The following STX8 variants were observed in gnomAD, a reference collection of about 807,000 sequenced individuals.
STX8 encodes the protein syntaxin 8, also known as syntaxin-8.
STX8 carries 23 observed loss-of-function variants against 37.5 expected under a neutral mutation model. That is an observed-to-expected ratio of 0.61 (90% CI 0.44 to 0.87). The LOEUF is 0.87. STX8 is among the 40% of genes least tolerant of loss of function. STX8 has a pLI of 0.00. For synonymous variants in STX8, 115 were observed against 99.1 expected (o/e 1.16, Z -0.95); for missense variants, 313 against 284.7 (o/e 1.10, Z -0.71).
intron 7 of STX8, among the ~76,000 whole-genome samples, chr17:9,329,056 A>AAAAC (rs1909876924): frequency 8.3e-6 from 1 of 120,762 alleles, no homozygotes; most frequent in Non-Finnish European, 1.5e-5. Flanking sequence ...ATCTCAAAAA[A>AAAAC]AAAAAAAAAA....
At chr17:9,474,724 G>A (rs1387544407) in intron 6 of STX8, among the ~76,000 whole-genome samples, 1 of 152,244 alleles carries the variant, frequency 6.6e-6, no homozygotes, top group South Asian at 2.1e-4. Context: ...TGTAATCCCA[G>A]CACTTTGGGA....
chr17:9,469,058 A>G (rs1353255506), intron 6 of STX8: 1 of 152,242 alleles, frequency 6.6e-6, no homozygotes, highest in Admixed American at 6.5e-5. Context: ...CCAGATGGTT[A>G]GAAAAATTGC....
chr17:9,476,013 T>A (rs566342840), intron 6 of STX8, among the ~76,000 whole-genome samples: 1 of 152,162 alleles, frequency 6.6e-6, no homozygotes, highest in Non-Finnish European at 1.5e-5. Context: ...ACCCCATCTC[T>A]ACTAAAAATA....
intron 6 of STX8, among the ~76,000 whole-genome samples, chr17:9,444,411 G>A (rs1050065793): frequency 3.3e-5 from 5 of 152,166 alleles, no homozygotes; most frequent in African/African-American, 1.2e-4. Context: ...CAATCAGTAC[G>A]ACAAATCATG....
intron 7 of STX8, among the ~76,000 whole-genome samples, chr17:9,255,384 G>T (rs546767811): frequency 6.6e-6 from 1 of 151,958 alleles, no homozygotes; most frequent in Non-Finnish European, 1.5e-5. Context: ...AAAATTAACC[G>T]GGCATGGTGG....
In STX8 at chr17:9,546,590, G is replaced by GTTTTTTTTTTTTTTTTTTTT. The variant is rs745424722; in HGVS notation, c.213-1309_213-1308insAAAAAAAAAAAAAAAAAAAA. ...CTTTCTTGATGCAAACTACAAAAGTGGTTTTTTTTTTTTTTTTTTTTTTTT... is the reference window on the plus strand; with the variant it reads ...CTTTCTTGATGCAAACTACAAAAGTGTTTTTTTTTTTTTTTTTTTTGTTTTTTTTTTTTTTTTTTTTTTTT... On this transcript the variant is annotated intron_variant, in intron 3 of 7. Transcript: ENST00000306357. Among the ~76,000 whole-genome samples the GTTTTTTTTTTTTTTTTTTTT allele has an allele frequency of 2.2e-3, 138 of 62,178 alleles. 16 individuals are homozygous for GTTTTTTTTTTTTTTTTTTTT. The highest frequency in any genetic ancestry group is 3.4e-3 in the South Asian group (5 of 1,476). The allele number at this position is 62,178 out of a possible 152,430, so 40.8% of individuals were successfully genotyped here.
At chr17:9,385,044 T>C (rs553159300) in intron 6 of STX8, among the ~76,000 whole-genome samples, 79 of 151,382 alleles carry the variant, frequency 5.2e-4, no homozygotes, top group African/African-American at 1.9e-3. Context: ...AAAATTTTTA[T>C]AGCCTGGAGT....
At chr17:9,562,103 T>TAA (rs11439031) in intron 2 of STX8, among the ~76,000 whole-genome samples, 333 of 147,596 alleles carry the variant, frequency 2.3e-3, no homozygotes, top group Middle Eastern at 3.5e-3. Context: ...CAACTTCATT[T>TAA]AAAAAAAAAA....
intron 4 of STX8, among the ~76,000 whole-genome samples, chr17:9,510,384 C>T (rs1006700447): frequency 1.3e-5 from 2 of 152,116 alleles, no homozygotes; most frequent in Non-Finnish European, 2.9e-5. Flanking sequence ...GGACACAAAA[C>T]AAGTCTCAAA....
chr17:9,349,390 G>A (rs550508198), intron 7 of STX8, among the ~76,000 whole-genome samples: 1 of 132,062 alleles, frequency 7.6e-6, no homozygotes, highest in East Asian at 2.2e-4. Flanking sequence ...GCGCAATCTC[G>A]CCTCACTGTA....
chr17:9,519,929 C>T (rs952977761), intron 4 of STX8, among the ~76,000 whole-genome samples: 1 of 152,002 alleles, frequency 6.6e-6, no homozygotes, highest in African/African-American at 2.4e-5. Context: ...ATCAATCACT[C>T]GCTGGTATTC....
At chr17:9,384,196 AT>A (rs1179034482) in intron 6 of STX8, among the ~76,000 whole-genome samples, 2 of 146,498 alleles carry the variant, frequency 1.4e-5, no homozygotes, top group African/African-American at 5.1e-5. Flanking sequence ...ATACTGGTTC[AT>A]TTTTTTTTCA....
intron 6 of STX8, among the ~76,000 whole-genome samples, chr17:9,394,889 G>A (rs115194648): frequency 0.025 from 3,751 of 150,752 alleles, 167 homozygotes; most frequent in African/African-American, 0.086. Flanking sequence ...TGGCCTGGCC[G>A]ACATGATGAA....
chr17:9,561,502 T>C (rs1027536357), intron 2 of STX8, among the ~76,000 whole-genome samples: 5 of 151,754 alleles, frequency 3.3e-5, no homozygotes, highest in South Asian at 4.2e-4. Context: ...CTACTAAAAA[T>C]ACAATAATTA....
At chr17:9,557,210 C>G in intron 3 of STX8, 1 of 466,146 alleles carries the variant, frequency 2.1e-6, no homozygotes, top group South Asian at 2.1e-5. Flanking sequence ...CAGGTTATAC[C>G]CAAATAAGTT....
intron 7 of STX8, among the ~76,000 whole-genome samples, chr17:9,273,782 C>T (rs917613790): frequency 7.2e-5 from 11 of 152,230 alleles, no homozygotes; most frequent in Non-Finnish European, 1.5e-4. Flanking sequence ...CGATTTCCCA[C>T]GCATTCCCGT....
rs11311287 is a variant in STX8, at chr17:9,505,941, CAAAAAAAA to C, written c.324-787_324-780del. ...TGGGTAGCGGAGCAAGACTCTGTCT[CAAAAAAAA>C]AAAAAAAAAAAGGAGTATTTGGTTG... is the stretch of plus-strand genomic sequence containing the variant. On this transcript the variant is annotated intron_variant, in intron 4 of 7. Coordinates refer to ENST00000306357, the MANE Select transcript of STX8 (RefSeq NM_004853.3). Among the ~76,000 whole-genome samples the C allele has an allele frequency of 4.0e-3, 404 of 101,580 alleles. 4 individuals are homozygous for C. Among genetic ancestry groups the C allele is most frequent in the East Asian group, 1.9e-3 (6 of 3,200 alleles). 66.6% of individuals were successfully genotyped at this position (101,580 alleles called of 152,430 possible).
chr17:9,442,570 C>T (rs768905299), intron 6 of STX8, among the ~76,000 whole-genome samples: 5 of 152,140 alleles, frequency 3.3e-5, no homozygotes, highest in African/African-American at 4.8e-5. Flanking sequence ...CCACGCCTGG[C>T]TAATTTTTTG....
intron 7 of STX8, among the ~76,000 whole-genome samples, chr17:9,254,264 A>G (rs1265928519): frequency 6.6e-6 from 1 of 152,050 alleles, no homozygotes; most frequent in Non-Finnish European, 1.5e-5. Flanking sequence ...GACACGCGCT[A>G]TCCTTTCCAT....
Sources: gnomAD v4.1 joint callset for allele counts (sites outside exome capture counted in the v4.1 genomes callset) on GRCh38, gnomAD v4.1.1 for gene constraint, MANE v1.5 for transcripts, NCBI Gene and HGNC (gene_info 2026-07-23, HGNC 2026-07-21) for gene names.